The following CLDN15 variants were observed in gnomAD, a reference collection of about 807,000 sequenced individuals.
CLDN15 encodes the protein claudin 15.
In CLDN15, 9 loss-of-function variants were observed where a neutral mutation model predicts 24.5. That is an observed-to-expected ratio of 0.37 (90% CI 0.22 to 0.64). The LOEUF (loss-of-function observed/expected upper bound fraction) is 0.64, where lower values mean the gene tolerates loss of function less well. Ranked by LOEUF, CLDN15 falls within the 30% of genes least tolerant of loss-of-function variation. CLDN15 has a pLI of 0.63. For missense variants in CLDN15, 248 were observed against 305.9 expected (o/e 0.81, Z 1.41); for synonymous variants, 149 against 131.4 (o/e 1.13, Z -0.92).
intron 1 of CLDN15, among the ~76,000 whole-genome samples, chr7:101,235,339 A>G (rs1195164583): frequency 2.0e-5 from 3 of 152,094 alleles, no homozygotes; most frequent in African/African-American, 7.2e-5. Flanking sequence ...TCATCACTGT[A>G]GCCTTGATTG....
At chr7:101,234,588 G>C in intron 1 of CLDN15, 146 bp from the exon 2 acceptor site, 1 of 609,656 alleles carries the variant, frequency 1.6e-6, no homozygotes, top group Non-Finnish European at 2.9e-6. Context: ...CACCACGCCC[G>C]GCTAATTTTT....
At chr7:101,233,512 G>C (rs1798542658) in intron 2 of CLDN15, among the ~76,000 whole-genome samples, 1 of 152,178 alleles carries the variant, frequency 6.6e-6, no homozygotes, top group Non-Finnish European at 1.5e-5. Flanking sequence ...GCAATGGCCA[G>C]ATGGCATTGT....
chr7:101,237,920 T>TGG (rs201531161), upstream of CLDN15: 24 of 352,142 alleles, frequency 6.8e-5, no homozygotes, highest in African/African-American at 5.1e-4. This position sits in a 1 kb window ranked among gnomAD's most constrained non-coding sequence, Gnocchi z 4.0. Context: ...CCCACGAGGG[T>TGG]GGGGGGGGCA....
intron 2 of CLDN15, 148 bp from the exon 3 acceptor site, chr7:101,233,062 C>T: frequency 1.5e-6 from 1 of 664,026 alleles, no homozygotes; most frequent in Non-Finnish European, 2.7e-6. Context: ...TTTCTCCCCA[C>T]CCCAGTTTAT....
upstream of CLDN15, chr7:101,238,587 TGTGA>T (rs1423055678): frequency 6.6e-6 from 1 of 152,260 alleles, no homozygotes; most frequent in Non-Finnish European, 1.5e-5. Context: ...CTGTCCTGGA[TGTGA>T]GTGTCACAGG....
intron 2 of CLDN15, 51 bp downstream of exon 2, chr7:101,234,227 T>A: frequency 7.0e-7 from 1 of 1,419,300 alleles, no homozygotes; most frequent in South Asian, 1.1e-5. Flanking sequence ...CAAAGCAGCC[T>A]GAAGTCTGCG....
chr7:101,233,973 TA>T (rs1436615341), intron 2 of CLDN15: 1 of 562,910 alleles, frequency 1.8e-6, no homozygotes, highest in African/African-American at 1.8e-5. Context: ...GCGTGCACCC[TA>T]ACTCTGCTCC....
chr7:101,238,044 C>T (rs900439892), upstream of CLDN15: 7 of 237,650 alleles, frequency 2.9e-5, no homozygotes, highest in Non-Finnish European at 5.1e-5. Flanking sequence ...GGCCAAAGAA[C>T]GGAGTAAGAG....
At position 101,237,236 on chromosome 7, in the gene CLDN15, C is replaced by A; in HGVS notation, c.217+129G>T. On this transcript the variant is annotated intron_variant, in intron 1 of 4. Coordinates refer to ENST00000308344, the MANE Select transcript of CLDN15 (RefSeq NM_014343.3). The surrounding 1 kb of genome is among the most constrained non-coding windows in gnomAD (Gnocchi z 4.0). ...CATGGGCCGCCCCCAGCACTCCTGGCTGCGGGAACTCAGACCCGCAGAGCT... is the reference window on the plus strand; with the variant it reads ...CATGGGCCGCCCCCAGCACTCCTGGATGCGGGAACTCAGACCCGCAGAGCT... 2.9e-6 allele frequency: 2 copies of A among 700,158 alleles called. No homozygotes were observed. 43.4% of individuals were successfully genotyped at this position (700,158 alleles called of 1,614,324 possible).
Position 101,237,630 on chromosome 7 carries a change from G to T in CLDN15, c.-49C>A. ...GCTGGTGCCCCAGAGAGGGGGAGGG[G>T]CAGAACCCCTAGGGAACTGGAAGGG... On this transcript the variant is annotated 5_prime_UTR_variant, in exon 1 of 5. Coordinates refer to ENST00000308344, the MANE Select transcript of CLDN15 (RefSeq NM_014343.3). The surrounding 1 kb of genome is among the most constrained non-coding windows in gnomAD (Gnocchi z 4.0). The T allele has an allele frequency of 1.4e-6, 2 of 1,385,656 alleles. No homozygotes were observed. Among genetic ancestry groups the T allele is most frequent in the Non-Finnish European group, 1.0e-6 (1 of 976,588 alleles). 85.8% of individuals were successfully genotyped at this position (1,385,656 alleles called of 1,614,324 possible).
At chr7:101,236,478 C>T (rs986974639) in intron 1 of CLDN15, among the ~76,000 whole-genome samples, 10 of 152,180 alleles carry the variant, frequency 6.6e-5, no homozygotes, top group Admixed American at 1.3e-4. Flanking sequence ...CCCTGCCACA[C>T]GGTGCCTGGT....
intron 2 of CLDN15, among the ~76,000 whole-genome samples, chr7:101,233,176 C>T (rs1222339396): frequency 6.6e-6 from 1 of 152,180 alleles, no homozygotes; most frequent in Non-Finnish European, 1.5e-5. Flanking sequence ...CCTGCCTCTT[C>T]TCTCTTTGGT....
In CLDN15 at chr7:101,232,239, GTTC is replaced by G. The variant is rs1273624980; in HGVS notation, c.*168_*170del. On this transcript the variant is annotated 3_prime_UTR_variant, in exon 5 of 5. Transcript: ENST00000308344. ...GGAGATATGCGACTTCCCAAGAGCAGTTCTTGGCCTGGAGGGGCCATGAGAGTG... is the reference window on the plus strand; with the variant it reads ...GGAGATATGCGACTTCCCAAGAGCAGTTGGCCTGGAGGGGCCATGAGAGTG... 9 of 581,754 alleles carry G rather than the reference GTTC, an allele frequency of 1.5e-5. No individual in the cohort carries two copies. The highest frequency in any genetic ancestry group is 4.4e-4 in the Middle Eastern group (1 of 2,260). 36.0% of individuals were successfully genotyped at this position (581,754 alleles called of 1,614,324 possible). A position where few individuals can be genotyped will look rare whatever the true frequency, so the allele number is the denominator to read the frequency against.
In CLDN15 at chr7:101,232,301, G is replaced by A; in HGVS notation, c.*109C>T. On this transcript the variant is annotated 3_prime_UTR_variant, in exon 5 of 5. Coordinates refer to ENST00000308344, the MANE Select transcript of CLDN15 (RefSeq NM_014343.3). The stretch of plus-strand genomic sequence containing the variant: ...GGGGCCGTGGCCGGGGCGGGGCTAC[G>A]GGAGCGGGGCGTGGCCGGCCCCTGA... 6.8e-6 allele frequency: 5 copies of A among 732,426 alleles called. No individual in the cohort carries two copies. The highest frequency in any genetic ancestry group is 1.1e-5 in the Non-Finnish European group (5 of 446,896). 45.4% of individuals were successfully genotyped at this position (732,426 alleles called of 1,614,324 possible).
At chr7:101,235,621 G>A (rs1333172012) in intron 1 of CLDN15, among the ~76,000 whole-genome samples, 1 of 152,142 alleles carries the variant, frequency 6.6e-6, no homozygotes, top group East Asian at 1.9e-4. Flanking sequence ...TTCCCGGGTG[G>A]GGCATAACTG....
In CLDN15 at chr7:101,232,275, C is replaced by T. The variant is rs1376482784; in HGVS notation, c.*135G>A. On this transcript the variant is annotated 3_prime_UTR_variant, in exon 5 of 5. Transcript: ENST00000308344. ...GGAGGGGCCATGAGAGTGCAAGACA[C>T]GGGGCCGTGGCCGGGGCGGGGCTAC... 4.8e-6 allele frequency: 3 copies of T among 624,032 alleles called. No individual in the cohort carries two copies. Among genetic ancestry groups the T allele is most frequent in the Non-Finnish European group, 5.6e-6 (2 of 356,432 alleles). The allele number at this position is 624,032 out of a possible 1,614,324, so 38.7% of individuals were successfully genotyped here. A position where few individuals can be genotyped will look rare whatever the true frequency, so the allele number is the denominator to read the frequency against.
At position 101,234,224 on chromosome 7, in the gene CLDN15, G is replaced by T. The variant is rs1798580264; in HGVS notation, c.382+54C>A. The T allele has an allele frequency of 3.6e-6, 5 of 1,382,990 alleles. No individual in the cohort carries two copies. The Admixed American group carries it at 6.7e-5, about 19-fold the overall frequency. 85.7% of individuals were successfully genotyped at this position (1,382,990 alleles called of 1,614,324 possible). On this transcript the variant is annotated intron_variant, in intron 2 of 4. Transcript: ENST00000308344. ...GAGGAGATTAGATGAGGACAAAGCA[G>T]CCTGAAGTCTGCGGTTGAGGGGGAC...
At chr7:101,235,943 A>AG (rs1379134851) in intron 1 of CLDN15, among the ~76,000 whole-genome samples, 1 of 152,106 alleles carries the variant, frequency 6.6e-6, no homozygotes, top group Non-Finnish European at 1.5e-5. Context: ...TGTGTGATTC[A>AG]GGGTGGGGTG....
chr7:101,238,566 G>A (rs905926929), upstream of CLDN15: 3 of 152,236 alleles, frequency 2.0e-5, no homozygotes, highest in Non-Finnish European at 4.4e-5. Context: ...ACCAGCGCTT[G>A]GCACCGGGAA....
Sources: allele counts gnomAD v4.1 joint callset (sites outside exome capture counted in the v4.1 genomes callset), GRCh38; gene constraint gnomAD v4.1.1; non-coding constraint Gnocchi (gnomAD v3.1); transcripts MANE v1.5; gene names NCBI Gene and HGNC (gene_info 2026-07-23, HGNC 2026-07-21).